The following PCDHGA3 variants were observed in gnomAD, a reference collection of about 807,000 sequenced individuals.
PCDHGA3 encodes the protein protocadherin gamma-A3.
A neutral mutation model predicts 58.5 loss-of-function variants in PCDHGA3; 40 were observed. The observed-to-expected ratio is 0.68, with a 90% CI of 0.53 to 0.89. The LOEUF (loss-of-function observed/expected upper bound fraction) is 0.89, where lower values mean the gene tolerates loss of function less well. Ranked by LOEUF, PCDHGA3 falls within the 40% of genes least tolerant of loss-of-function variation. The pLI is 0.00. For synonymous variants in PCDHGA3, 530 were observed against 525.7 expected (o/e 1.01, Z -0.11); for missense variants, 1,223 against 1,195.9 (o/e 1.02, Z -0.33).
chr5:141,405,648 G>A (rs936380418), intron 1 of PCDHGA3: 3 of 523,734 alleles, frequency 5.7e-6, no homozygotes, highest in East Asian at 3.2e-5. Flanking sequence ...CTAATTTTTT[G>A]TGTGTTTTTA....
intron 1 of PCDHGA3, chr5:141,418,929 T>A: frequency 6.2e-7 from 1 of 1,614,034 alleles, no homozygotes; most frequent in Non-Finnish European, 8.5e-7. Flanking sequence ...GATCAGATTA[T>A]GGAGGATTCC....
Position 141,344,829 on chromosome 5 carries a change from G to A in PCDHGA3, c.796G>A (p.Ala266Thr). The change falls in exon 1 of 4, where the codon GCC (alanine) becomes ACC (threonine). Residue 266 changes from alanine to threonine, a missense_variant. Ala to Thr is a moderately conservative substitution (Grantham distance 58, BLOSUM62 0). Around this residue, in one of 3 missense-constraint regions of PCDHGA3, gnomAD observed 791 missense variants for 708.5 expected, o/e 1.12. Transcript: ENST00000253812. ...PVGTRLLTVN[A>T]TDPDEGFNAQ... ...GGGTACCCGGCTGCTCACGGTGAATGCCACTGACCCTGACGAGGGATTCAA... is the reference window on the plus strand; with the variant it reads ...GGGTACCCGGCTGCTCACGGTGAATACCACTGACCCTGACGAGGGATTCAA... 1 of 1,613,956 alleles carries A rather than the reference G, an allele frequency of 6.2e-7. No individual in the cohort carries two copies. Among genetic ancestry groups the A allele is most frequent in the Non-Finnish European group, 8.5e-7 (1 of 1,179,896 alleles).
chr5:141,344,288 C>T lies in PCDHGA3; in HGVS notation c.255C>T (p.Val85=). Reference sequence around the variant, plus strand: ...TGAATCCGCAAAGCGGCAGCTTGGTCACCGCGGAGAGGATAGACCGGGAGG... The same window carrying T: ...TGAATCCGCAAAGCGGCAGCTTGGTTACCGCGGAGAGGATAGACCGGGAGG... The part of the protein sequence containing the change: ...FSLNPQSGSL[V]TAERIDREEL... Residue 85 remains valine (V), a synonymous_variant, in exon 1 of 4, where the codon GTC becomes GTT. Transcript: ENST00000253812. 6.2e-7 allele frequency: 1 copy of T among 1,614,078 alleles called. No homozygotes were observed. The highest frequency in any genetic ancestry group is 8.5e-7 in the Non-Finnish European group (1 of 1,179,926).
rs1434323489 is a variant in PCDHGA3, at chr5:141,344,306, C to G, written c.273C>G (p.Asp91Glu). The change falls in exon 1 of 4, where the codon GAC (aspartate) becomes GAG (glutamate). Residue 91 changes from aspartate (D) to glutamate (E), a missense_variant. By Grantham distance (45) the Asp-to-Glu change is conservative. Transcript: ENST00000253812. ...SGSLVTAERI[D>E]REELCAQIPL... ...GCTTGGTCACCGCGGAGAGGATAGACCGGGAGGAGCTCTGCGCTCAGATCC... is the reference window on the plus strand; with the variant it reads ...GCTTGGTCACCGCGGAGAGGATAGAGCGGGAGGAGCTCTGCGCTCAGATCC... The G allele has an allele frequency of 1.2e-6, 2 of 1,614,044 alleles. No homozygotes were observed. The highest frequency in any genetic ancestry group is 8.5e-7 in the Non-Finnish European group (1 of 1,179,926).
At chr5:141,499,620 G>A (rs557854340) in intron 2 of PCDHGA3, among the ~76,000 whole-genome samples, 1 of 150,986 alleles carries the variant, frequency 6.6e-6, no homozygotes, top group Non-Finnish European at 1.5e-5. Context: ...TCCTGTCCTT[G>A]GATTCTTTTG....
intron 1 of PCDHGA3, chr5:141,350,286 T>C (rs1758439533): frequency 1.3e-6 from 2 of 1,510,806 alleles, no homozygotes; most frequent in Middle Eastern, 1.8e-4. Flanking sequence ...GAAGCCGAAA[T>C]GATGAAAAGT....
At chr5:141,480,703 C>G (rs577131684) in intron 1 of PCDHGA3, among the ~76,000 whole-genome samples, 1 of 152,134 alleles carries the variant, frequency 6.6e-6, no homozygotes, top group African/African-American at 2.4e-5. Context: ...GGCCACACCC[C>G]GACAAATGAA....
At chr5:141,426,514 G>A (rs867794856) in intron 1 of PCDHGA3, 22 of 340,738 alleles carry the variant, frequency 6.5e-5, no homozygotes, top group Non-Finnish European at 8.2e-5. Context: ...ATACTTTACC[G>A]TGAACACGGA....
At chr5:141,375,244 G>A (rs527726605) in intron 1 of PCDHGA3, 1 of 1,613,890 alleles carries the variant, frequency 6.2e-7, no homozygotes, top group Admixed American at 1.7e-5. Context: ...GTTCCATCCC[G>A]AGAAGTCTCC....
chr5:141,394,018 A>T (rs2092900242), intron 1 of PCDHGA3: 1 of 1,613,496 alleles, frequency 6.2e-7, no homozygotes. Flanking sequence ...GGTAATTATT[A>T]TAGATTAGTG....
intron 1 of PCDHGA3, chr5:141,372,172 C>A: frequency 6.2e-7 from 1 of 1,613,722 alleles, no homozygotes; most frequent in Non-Finnish European, 8.5e-7. Flanking sequence ...AAGGTGGTGG[C>A]GGTGGACGCA....
At chr5:141,386,780 A>C (rs1209529195) in intron 1 of PCDHGA3, among the ~76,000 whole-genome samples, 3 of 152,202 alleles carry the variant, frequency 2.0e-5, no homozygotes. Flanking sequence ...TGTAAAAGAA[A>C]ATCTCCTGAC....
Position 141,431,674 on chromosome 5 carries a change from G to T in PCDHGA3, c.2425-63133G>T. 6.2e-7 allele frequency: 1 copy of T among 1,614,234 alleles called. No homozygotes were observed. ...ATTCAGGGACAATATCAACAATAGG[G>T]GAGTTGGACCACGAGGAGTCAGGAT... is the stretch of plus-strand genomic sequence containing the variant. On this transcript the variant is annotated intron_variant, in intron 1 of 3. Transcript: ENST00000253812. This position sits in a 1 kb window ranked among gnomAD's most constrained non-coding sequence, Gnocchi z 4.8.
At chr5:141,383,575 G>T in intron 1 of PCDHGA3, 1 of 1,613,234 alleles carries the variant, frequency 6.2e-7, no homozygotes, top group African/African-American at 1.3e-5. Flanking sequence ...ATCCAGCACC[G>T]CCCACATCCA....
chr5:141,377,940 A>G (rs112263014), intron 1 of PCDHGA3: 1 of 152,188 alleles, frequency 6.6e-6, no homozygotes, highest in Non-Finnish European at 1.5e-5. Context: ...TGCTGCTTAT[A>G]GAGTGTGTAT....
chr5:141,371,107 A>G (rs202073589), intron 1 of PCDHGA3: 391 of 1,613,532 alleles, frequency 2.4e-4, no homozygotes, highest in Non-Finnish European at 3.2e-4. Flanking sequence ...GCAAATGATA[A>G]CCCCCCAGTA....
intron 1 of PCDHGA3, chr5:141,410,671 C>T: frequency 1.3e-6 from 2 of 1,563,260 alleles, no homozygotes; most frequent in Non-Finnish European, 1.7e-6. Context: ...ACTAGTTTCT[C>T]ATATTTTAGG....
chr5:141,438,735 C>T (rs2098057719), intron 1 of PCDHGA3, among the ~76,000 whole-genome samples: 1 of 149,150 alleles, frequency 6.7e-6, no homozygotes, highest in South Asian at 2.1e-4. Context: ...GATCTCAGCT[C>T]ACTGCAACCT....
At chr5:141,450,046 G>A (rs1390669307) in intron 1 of PCDHGA3, among the ~76,000 whole-genome samples, 4 of 121,108 alleles carry the variant, frequency 3.3e-5, no homozygotes, top group Admixed American at 1.1e-4. Context: ...TCACTCTTTC[G>A]CCCAGGCTGG....
Sources: allele counts gnomAD v4.1 joint callset (sites outside exome capture counted in the v4.1 genomes callset), GRCh38; gene constraint gnomAD v4.1.1; regional missense constraint gnomAD v4.1.1; non-coding constraint Gnocchi (gnomAD v3.1); transcripts MANE v1.5; gene names NCBI Gene and HGNC (gene_info 2026-07-23, HGNC 2026-07-21).